The following NFIA variants were observed in gnomAD, a reference collection of about 807,000 sequenced individuals.
The protein encoded by NFIA is nuclear factor I A.
In NFIA, 8 loss-of-function variants were observed where a neutral mutation model predicts 62.8. The observed-to-expected ratio is 0.13, with a 90% CI of 0.07 to 0.23. The LOEUF is 0.23. Ranked by LOEUF, NFIA falls within the 10% of genes least tolerant of loss-of-function variation. The probability of loss-of-function intolerance (pLI) is 1.00; values close to 1 mark genes in which losing one functional copy is unlikely to be tolerated. For missense variants in NFIA, 410 were observed against 642.1 expected (o/e 0.64, Z 3.91); for synonymous variants, 235 against 238.1 (o/e 0.99, Z 0.12).
intron 7 of NFIA, among the ~76,000 whole-genome samples, chr1:61,387,440 C>CCAT (rs1664748791): frequency 1.3e-5 from 2 of 151,814 alleles, no homozygotes; most frequent in Middle Eastern, 6.9e-3. Flanking sequence ...AACATTCTGC[C>CCAT]CATCCCCCAG....
At chr1:61,231,651 A>G (rs1654675983) in intron 2 of NFIA, among the ~76,000 whole-genome samples, 1 of 152,168 alleles carries the variant, frequency 6.6e-6, no homozygotes, top group Admixed American at 6.5e-5. Flanking sequence ...TGCTTATATA[A>G]CAGCCAATTT....
At chr1:61,238,311 T>A (rs1655120791) in intron 2 of NFIA, among the ~76,000 whole-genome samples, 1 of 152,240 alleles carries the variant, frequency 6.6e-6, no homozygotes, top group Non-Finnish European at 1.5e-5. Context: ...TGTAACACCT[T>A]GTCCATAATC....
intron 2 of NFIA, among the ~76,000 whole-genome samples, chr1:61,222,115 G>A (rs1013298382): frequency 6.6e-5 from 10 of 152,114 alleles, no homozygotes; most frequent in African/African-American, 2.4e-4. Context: ...AGTGATCTAC[G>A]TGTTTTAAGT....
rs568359400 is a variant in NFIA, at chr1:61,235,258, C to T, written c.560-42262C>T. Among the ~76,000 whole-genome samples the T allele has an allele frequency of 1.1e-4, 16 of 151,914 alleles. 1 individual carries two copies. In the East Asian group the frequency reaches 2.7e-3, roughly 26 times the overall value. On this transcript the variant is annotated intron_variant, in intron 2 of 10. Transcript: ENST00000403491. ...CGTGTGGATCATGAGGTCAGGAGAT[C>T]GAGACCATCCTGTCTAACACGGTGA...
chr1:61,455,161 G>C (rs1343450952), intron 10 of NFIA, 142 bp from the exon 11 acceptor site: 1 of 715,822 alleles, frequency 1.4e-6, no homozygotes, highest in Non-Finnish European at 2.4e-6. Context: ...ATTTTTTATT[G>C]TCTGTCGTGC....
chr1:61,214,291 C>G (rs1032340117), intron 2 of NFIA, among the ~76,000 whole-genome samples: 1 of 150,500 alleles, frequency 6.6e-6, no homozygotes, highest in Non-Finnish European at 1.5e-5. Context: ...CAGTTTGGAT[C>G]AAACCACTTA....
chr1:61,125,324 A>T (rs1367123800), intron 2 of NFIA: 1 of 152,224 alleles, frequency 6.6e-6, no homozygotes, highest in Non-Finnish European at 1.5e-5. Flanking sequence ...AAGTCAGAAT[A>T]GCCCTTTGCT....
chr1:61,187,296 C>T (rs2100570290), intron 2 of NFIA, among the ~76,000 whole-genome samples: 1 of 152,262 alleles, frequency 6.6e-6, no homozygotes, highest in East Asian at 1.9e-4. Context: ...TGTTAGCATC[C>T]ATGCTGGTAT....
At chr1:61,077,405 A>G, upstream of NFIA, 1 of 408,810 alleles carries the variant, frequency 2.4e-6, no homozygotes, top group Non-Finnish European at 4.4e-6. Flanking sequence ...AGAGAGGGAG[A>G]GAGCGCGCCT....
In NFIA at chr1:61,456,658, G is replaced by C. The variant is rs574225956; in HGVS notation, c.*1338G>C. On this transcript the variant is annotated 3_prime_UTR_variant, in exon 11 of 11. Transcript: ENST00000403491. Reference sequence around the variant, plus strand: ...TTTGCATCCCTGAACTGGGCTATGGGAAATAATAATAGTAATAATAATAAT... The same window carrying C: ...TTTGCATCCCTGAACTGGGCTATGGCAAATAATAATAGTAATAATAATAAT... The C allele has an allele frequency of 2.0e-5, 3 of 147,568 alleles. No individual in the cohort carries two copies. The highest frequency in any genetic ancestry group is 4.5e-5 in the Non-Finnish European group (3 of 67,250). 9.1% of individuals were successfully genotyped at this position (147,568 alleles called of 1,614,324 possible).
chr1:61,181,159 T>C (rs977105675), intron 2 of NFIA, among the ~76,000 whole-genome samples: 1 of 152,244 alleles, frequency 6.6e-6, no homozygotes, highest in Non-Finnish European at 1.5e-5. Flanking sequence ...TAGCTCTTGT[T>C]GTGCAGATGC....
In NFIA at chr1:61,338,416, G is replaced by A. The variant is rs548901184; in HGVS notation, c.700+5830G>A. Among the ~76,000 whole-genome samples the A allele has an allele frequency of 3.3e-5, 5 of 152,312 alleles. No individual in the cohort carries two copies. In the South Asian group the frequency reaches 8.3e-4, roughly 25 times the overall value. On this transcript the variant is annotated intron_variant, in intron 4 of 10. Transcript: ENST00000403491. Reference sequence around the variant, plus strand: ...GGTGGCACCCTAGTGGCTGTTTTCTGCCTTAGAAATGTGCGCTCTTTCTAT... The same window carrying A: ...GGTGGCACCCTAGTGGCTGTTTTCTACCTTAGAAATGTGCGCTCTTTCTAT...
chr1:61,364,271 TTC>T (rs1663466805), intron 6 of NFIA, among the ~76,000 whole-genome samples: 1 of 152,156 alleles, frequency 6.6e-6, no homozygotes, highest in African/African-American at 2.4e-5. Flanking sequence ...ATTGTCTGTT[TTC>T]TCTCTCTAGA....
chr1:61,090,118 T>A (rs966915971), intron 2 of NFIA, among the ~76,000 whole-genome samples: 6 of 152,226 alleles, frequency 3.9e-5, no homozygotes, highest in Non-Finnish European at 8.8e-5. Context: ...AGCCCTTTTT[T>A]AACCCACTCT....
intron 3 of NFIA, among the ~76,000 whole-genome samples, chr1:61,328,583 G>A (rs1183439313): frequency 2.0e-5 from 3 of 151,602 alleles, no homozygotes; most frequent in Non-Finnish European, 2.9e-5. Flanking sequence ...CACCATGCCC[G>A]GCTAATTTTG....
chr1:61,307,626 C>T (rs1341058298), intron 3 of NFIA, among the ~76,000 whole-genome samples: 1 of 152,208 alleles, frequency 6.6e-6, no homozygotes, highest in Admixed American at 6.5e-5. Flanking sequence ...CCAGTACCCA[C>T]ATATGACTGT....
intron 1 of NFIA, among the ~76,000 whole-genome samples, chr1:61,085,967 C>A (rs1646212042): frequency 6.6e-6 from 1 of 152,086 alleles, no homozygotes; most frequent in African/African-American, 2.4e-5. Flanking sequence ...TTGGGAGTAT[C>A]TACAGACACT....
intron 1 of NFIA, among the ~76,000 whole-genome samples, chr1:61,085,311 T>TA (rs1011673632): frequency 6.6e-6 from 1 of 152,158 alleles, no homozygotes; most frequent in Non-Finnish European, 1.5e-5. Context: ...GGTGAACTTT[T>TA]AAAAAAAGTA....
At chr1:61,369,696 T>C (rs1663780733) in intron 6 of NFIA, among the ~76,000 whole-genome samples, 4 of 152,104 alleles carry the variant, frequency 2.6e-5, no homozygotes, top group Admixed American at 2.6e-4. Context: ...ATTTTAAATA[T>C]ATAAGCGTTT....
Sources: gnomAD v4.1 joint callset for allele counts (sites outside exome capture counted in the v4.1 genomes callset) on GRCh38, gnomAD v4.1.1 for gene constraint, MANE v1.5 for transcripts, NCBI Gene and HGNC (gene_info 2026-07-23, HGNC 2026-07-21) for gene names.